Variants in UBR1 observed in about 807,000 individuals in gnomAD.
The protein encoded by UBR1 is ubiquitin protein ligase E3 component n-recognin 1, also known as E3 ubiquitin-protein ligase UBR1.
UBR1 carries 102 observed loss-of-function variants against 242.1 expected under a neutral mutation model. The ratio of observed to expected loss-of-function variants is 0.42; its 90% CI spans 0.36 to 0.50. The LOEUF (loss-of-function observed/expected upper bound fraction) is 0.50. UBR1 is among the 20% of genes least tolerant of loss of function. UBR1 has a pLI of 0.01. For missense variants in UBR1, 1,772 were observed against 2,101.8 expected (o/e 0.84, Z 3.07); for synonymous variants, 675 against 684.8 (o/e 0.99, Z 0.22).
intron 35 of UBR1, among the ~76,000 whole-genome samples, chr15:42,986,639 G>A (rs943359906): frequency 2.0e-5 from 3 of 152,170 alleles, no homozygotes; most frequent in African/African-American, 7.2e-5. Context: ...TATCCCACTT[G>A]ATTGAATCAT....
chr15:43,000,397 A>G (rs2032705560), intron 32 of UBR1, among the ~76,000 whole-genome samples: 1 of 152,260 alleles, frequency 6.6e-6, no homozygotes, highest in South Asian at 2.1e-4. Context: ...GGAAAGAAGT[A>G]GCTAAATATT....
chr15:43,068,142 A>T, intron 5 of UBR1, 106 bp from the exon 6 acceptor site: 1 of 699,914 alleles, frequency 1.4e-6, no homozygotes, highest in Non-Finnish European at 2.2e-6. Context: ...TGTAGTTTCC[A>T]ACCTGTGGGA....
At chr15:43,021,752 G>A (rs2033113673) in intron 26 of UBR1, among the ~76,000 whole-genome samples, 1 of 152,104 alleles carries the variant, frequency 6.6e-6, no homozygotes, top group South Asian at 2.1e-4. Context: ...CCACAGATAT[G>A]GAGGGTCAAT....
chr15:42,950,171 C>T lies in UBR1; in HGVS notation c.5108+91G>A, dbSNP rs371079430. ...CCTTTTGTGATTAAAGAACTATTAC[C>T]GTTTACATACAATAATGTGACTGAA... On this transcript the variant is annotated intron_variant, in intron 46 of 46. Coordinates refer to ENST00000290650, the MANE Select transcript of UBR1 (RefSeq NM_174916.3). 19 of 1,182,994 alleles carry T rather than the reference C, an allele frequency of 1.6e-5. 1 individual carries two copies. Among genetic ancestry groups the T allele is most frequent in the African/African-American group, 1.1e-4 (7 of 66,382 alleles). 73.3% of individuals were successfully genotyped at this position (1,182,994 alleles called of 1,614,324 possible).
Position 42,957,958 on chromosome 15 carries a change from G to C in UBR1, c.4835+55C>G. The C allele has an allele frequency of 4.2e-6, 6 of 1,437,260 alleles. No homozygotes were observed. The South Asian group carries it at 4.6e-5, about 11-fold the overall frequency. The allele number at this position is 1,437,260 out of a possible 1,614,324, so 89.0% of individuals were successfully genotyped here. On this transcript the variant is annotated intron_variant, in intron 44 of 46. Transcript: ENST00000290650. The stretch of plus-strand genomic sequence containing the variant: ...GTGTTAGTTATGGCATATACCAATT[G>C]CGAGTTCAGAAAATGATTTAAAATT...
intron 15 of UBR1, among the ~76,000 whole-genome samples, chr15:43,041,104 A>G (rs1400809950): frequency 3.9e-5 from 6 of 152,230 alleles, no homozygotes; most frequent in Admixed American, 1.3e-4. Flanking sequence ...TATATACCCA[A>G]TGGATTATAA....
At chr15:43,011,818 A>C (rs890740935) in intron 29 of UBR1, 1 of 386,164 alleles carries the variant, frequency 2.6e-6, no homozygotes, top group Admixed American at 2.8e-5. Context: ...AAAGATTCTC[A>C]CGAACAGTTC....
chr15:43,021,968 T>A (rs574665092), intron 26 of UBR1, among the ~76,000 whole-genome samples: 1 of 152,318 alleles, frequency 6.6e-6, no homozygotes, highest in Non-Finnish European at 1.5e-5. Context: ...CTGGCACTGC[T>A]AAGTGAAAGC....
intron 27 of UBR1, among the ~76,000 whole-genome samples, chr15:43,019,204 G>A (rs2033070780): frequency 6.6e-6 from 1 of 152,036 alleles, no homozygotes; most frequent in Non-Finnish European, 1.5e-5. Flanking sequence ...TGGGACTACA[G>A]GTACCCGCCA....
intron 21 of UBR1, among the ~76,000 whole-genome samples, chr15:43,029,544 C>CTT (rs2033226351): frequency 6.6e-6 from 1 of 152,182 alleles, no homozygotes; most frequent in African/African-American, 2.4e-5. Context: ...TTCCTTCCCT[C>CTT]TTTATTTCAC....
chr15:43,015,642 A>T lies in UBR1; in HGVS notation c.3209+46T>A, dbSNP rs574536311. ...AGAAACACCCAAGAATGATCAATTTAAAAAAAAAAAATTGAGTTGGTAATT... is the reference window on the plus strand; with the variant it reads ...AGAAACACCCAAGAATGATCAATTTTAAAAAAAAAAATTGAGTTGGTAATT... On this transcript the variant is annotated intron_variant, in intron 29 of 46. Coordinates refer to ENST00000290650, the MANE Select transcript of UBR1 (RefSeq NM_174916.3). 2.2e-4 allele frequency: 179 copies of T among 819,914 alleles called. 1 individual carries two copies. In the South Asian group the frequency reaches 3.3e-3, roughly 15 times the overall value. 50.8% of individuals were successfully genotyped at this position (819,914 alleles called of 1,614,324 possible).
intron 35 of UBR1, among the ~76,000 whole-genome samples, chr15:42,985,989 CAAAAAA>C (rs1230190123): frequency 1.9e-4 from 9 of 47,036 alleles, no homozygotes; most frequent in East Asian, 1.0e-3. Flanking sequence ...GACCCTGTCT[CAAAAAA>C]AAAAAAAAAA....
intron 12 of UBR1, among the ~76,000 whole-genome samples, chr15:43,054,501 T>C (rs2033593080): frequency 6.6e-6 from 1 of 152,192 alleles, no homozygotes; most frequent in Non-Finnish European, 1.5e-5. Flanking sequence ...CCCCAGGAGA[T>C]CCCAAGTTCC....
At chr15:42,968,879 G>C (rs2032156597) in intron 40 of UBR1, among the ~76,000 whole-genome samples, 2 of 152,094 alleles carry the variant, frequency 1.3e-5, no homozygotes, top group Admixed American at 1.3e-4. Flanking sequence ...GATATTCCAT[G>C]GTGTGTATGT....
At chr15:43,017,206 A>G (rs2033037845) in intron 27 of UBR1, 25 bp from the exon 28 acceptor site, 11 of 1,565,740 alleles carry the variant, frequency 7.0e-6, no homozygotes, top group Non-Finnish European at 9.6e-6. Context: ...TGAAACGTTA[A>G]AAGAGTTAGT....
chr15:43,021,732 G>T (rs1567128410), intron 26 of UBR1, among the ~76,000 whole-genome samples: 2 of 152,118 alleles, frequency 1.3e-5, no homozygotes, highest in South Asian at 4.1e-4. Flanking sequence ...TGAATCCCTA[G>T]ATATGGAACC....
chr15:43,066,478 G>GT (rs1238730063), intron 6 of UBR1, among the ~76,000 whole-genome samples: 3 of 152,160 alleles, frequency 2.0e-5, no homozygotes, highest in Non-Finnish European at 4.4e-5. Context: ...TTTTTAAACA[G>GT]TTTTTTCTAA....
intron 29 of UBR1, among the ~76,000 whole-genome samples, chr15:43,013,046 A>C (rs1460574152): frequency 6.6e-6 from 1 of 152,106 alleles, no homozygotes; most frequent in Non-Finnish European, 1.5e-5. Context: ...GCTGGGACTA[A>C]ATGCACGCGT....
At chr15:42,974,232 T>C (rs1220186191) in intron 39 of UBR1, among the ~76,000 whole-genome samples, 1 of 152,192 alleles carries the variant, frequency 6.6e-6, no homozygotes, top group Non-Finnish European at 1.5e-5. Flanking sequence ...TTTAGGTCTA[T>C]GATCTGCTTT....
Sources: allele counts gnomAD v4.1 joint callset (sites outside exome capture counted in the v4.1 genomes callset), GRCh38; gene constraint gnomAD v4.1.1; transcripts MANE v1.5; gene names NCBI Gene and HGNC (gene_info 2026-07-23, HGNC 2026-07-21).